The following TMBIM1 variants were observed in gnomAD, a reference collection of about 807,000 sequenced individuals.
The protein encoded by TMBIM1 is transmembrane BAX inhibitor motif containing 1.
In TMBIM1, 34 loss-of-function variants were observed where a neutral mutation model predicts 45.1. The observed-to-expected ratio is 0.75, with a 90% CI of 0.57 to 1.00. The LOEUF (loss-of-function observed/expected upper bound fraction) is 1.00, where lower values mean the gene tolerates loss of function less well. TMBIM1 is among the 50% of genes least tolerant of loss of function. The pLI, the probability that TMBIM1 is intolerant of heterozygous loss-of-function variation, is 0.00. For synonymous variants in TMBIM1, 157 were observed against 153.5 expected (o/e 1.02, Z -0.17); for missense variants, 374 against 402.4 (o/e 0.93, Z 0.60).
Position 218,278,559 on chromosome 2 carries a change from G to C in TMBIM1, c.429C>G (p.Val143=), listed in dbSNP as rs1691502679. Residue 143 remains valine (V), a synonymous_variant, in exon 6 of 12, where the codon GTC becomes GTG. Coordinates refer to ENST00000258412, the MANE Select transcript of TMBIM1 (RefSeq NM_022152.6). ...CAAGGATCAGGTAGGTGACAACGAA[G>C]ACAGCACTAGGGACAAAGAGATGGG... The part of the protein sequence containing the change: ...NVAVYYVSYA[V]FVVTYLILAC... The C allele has an allele frequency of 6.2e-7, 1 of 1,614,058 alleles. No homozygotes were observed. The highest frequency in any genetic ancestry group is 8.5e-7 in the Non-Finnish European group (1 of 1,180,034).
Position 218,279,538 on chromosome 2 carries a change from T to C in TMBIM1, c.304-185A>G, listed in dbSNP as rs1574636617. The C allele has an allele frequency of 9.2e-6, 5 of 541,566 alleles. No homozygotes were observed. The South Asian group carries it at 1.0e-4, about 11-fold the overall frequency. The allele number at this position is 541,566 out of a possible 1,614,324, so 33.5% of individuals were successfully genotyped here. A position where few individuals can be genotyped will look rare whatever the true frequency, so the allele number is the denominator to read the frequency against. On this transcript the variant is annotated intron_variant, in intron 3 of 11. Coordinates refer to ENST00000258412, the MANE Select transcript of TMBIM1 (RefSeq NM_022152.6). ...CACTTCTTCCTCAGCCCCGCTCCCA[T>C]GCTCCCTGCCATCTCCCCTCCTGTC...
chr2:218,287,499 G>A (rs1199252080), intron 1 of TMBIM1, among the ~76,000 whole-genome samples: 1 of 152,138 alleles, frequency 6.6e-6, no homozygotes, highest in Non-Finnish European at 1.5e-5. Context: ...CACGAGGTCA[G>A]GAGATCAAGA....
chr2:218,285,643 C>G (rs1488832313), intron 1 of TMBIM1: 1 of 152,310 alleles, frequency 6.6e-6, no homozygotes, highest in Non-Finnish European at 1.5e-5. Context: ...CCTTGGTTAC[C>G]GAGCTGGTCC....
intron 1 of TMBIM1, 87 bp from the exon 2 acceptor site, chr2:218,282,268 T>A (rs1692100506): frequency 1.3e-6 from 1 of 779,096 alleles, no homozygotes; most frequent in South Asian, 2.2e-5. Context: ...TTGTCCAGGC[T>A]GCCTCCGTGG....
At chr2:218,281,877 G>T in intron 2 of TMBIM1, 63 bp downstream of exon 2, 1 of 1,294,984 alleles carries the variant, frequency 7.7e-7, no homozygotes, top group Non-Finnish European at 1.1e-6. Context: ...AGGAGGCGGT[G>T]GCCTCATCTG....
chr2:218,277,726 G>A lies in TMBIM1; in HGVS notation c.514-56C>T, dbSNP rs558025244. ...ACTTAAAAAGGAAGGAAGGCAGGGT[G>A]CTGGGGGAGTGGCCATGGTGGCCTC... On this transcript the variant is annotated intron_variant, in intron 7 of 11. Transcript: ENST00000258412. 6.8e-6 allele frequency: 11 copies of A among 1,609,270 alleles called. No individual in the cohort carries two copies. In the East Asian group the frequency reaches 1.1e-4, roughly 16 times the overall value.
rs745668283 is a variant in TMBIM1 at position 218,275,609 on chromosome 2, C to T, written c.802G>A (p.Asp268Asn). Residue 268 changes from aspartate (D) to asparagine (N), a missense_variant, in exon 12 of 12, where the codon GAC becomes AAC. Physicochemically the swap from Asp to Asn is conservative, Grantham distance 23 (BLOSUM62 1). Transcript: ENST00000258412. The stretch of plus-strand genomic sequence containing the variant: ...CGGTTCCCCAGGACCAGCTGTGTGT[C>T]GTAAGCCAGGAACTGCAAGGATAGG... ...AICFTLFLAYDTQLVLGNRKH... is the reference protein window; with the variant it reads ...AICFTLFLAYNTQLVLGNRKH... 1.2e-6 allele frequency: 2 copies of T among 1,611,966 alleles called. No individual in the cohort carries two copies. The highest frequency in any genetic ancestry group is 1.7e-6 in the Non-Finnish European group (2 of 1,179,244).
chr2:218,287,278 T>C (rs1182608203), intron 1 of TMBIM1: 1 of 152,326 alleles, frequency 6.6e-6, no homozygotes, highest in Non-Finnish European at 1.5e-5. Flanking sequence ...AGCCCTCTTC[T>C]TCGTCATGGG....
rs13396404 is a variant in TMBIM1 at position 218,275,900 on chromosome 2, A to G, written c.789+126T>C. On this transcript the variant is annotated intron_variant, in intron 11 of 11. Transcript: ENST00000258412. Reference sequence around the variant, plus strand: ...AAAATCAATGGAATCTCTGGACAGTAGTGAGAGGAATGGCCTGCTATGGCC... The same window carrying G: ...AAAATCAATGGAATCTCTGGACAGTGGTGAGAGGAATGGCCTGCTATGGCC... The G allele has an allele frequency of 0.016, 18,785 of 1,156,760 alleles. 2,103 individuals carry two copies. In the African/African-American group the frequency reaches 0.25, roughly 16 times the overall value. The allele number at this position is 1,156,760 out of a possible 1,614,324, so 71.7% of individuals were successfully genotyped here.
In TMBIM1 at chr2:218,280,325, G is replaced by A. The variant is rs1348916362; in HGVS notation, c.203-199C>T. 5 of 539,216 alleles carry A rather than the reference G, an allele frequency of 9.3e-6. No individual in the cohort carries two copies. In the East Asian group the frequency reaches 1.6e-4, roughly 18 times the overall value. The allele number at this position is 539,216 out of a possible 1,614,324, so 33.4% of individuals were successfully genotyped here. A position where few individuals can be genotyped will look rare whatever the true frequency, so the allele number is the denominator to read the frequency against. On this transcript the variant is annotated intron_variant, in intron 2 of 11. Transcript: ENST00000258412. ...CGGCCTGTCACGAGGGGGCTTAGGT[G>A]GGAAACGTTCCTCACGTGCATCTGT...
chr2:218,277,715 G>C (rs781350966), intron 7 of TMBIM1, 45 bp from the exon 8 acceptor site: 1 of 1,613,116 alleles, frequency 6.2e-7, no homozygotes, highest in South Asian at 1.1e-5. Flanking sequence ...AAAAAGGAAG[G>C]AAGGCAGGGT....
At chr2:218,282,403 C>T (rs1345426050) in intron 1 of TMBIM1, among the ~76,000 whole-genome samples, 2 of 152,252 alleles carry the variant, frequency 1.3e-5, no homozygotes, top group South Asian at 2.1e-4. Flanking sequence ...ACAGGCCTCT[C>T]ACTGTGCAGC....
At position 218,276,017 on chromosome 2, in the gene TMBIM1, G is replaced by A. The variant is rs778277416; in HGVS notation, c.789+9C>T. ...CAGCTCCCCTTCCTAGAGTGGGGCT[G>A]GGACTTACCAGGGTGAAACAAATGG... is the stretch of plus-strand genomic sequence containing the variant. On this transcript the variant is annotated intron_variant, in intron 11 of 11. Coordinates refer to ENST00000258412, the MANE Select transcript of TMBIM1 (RefSeq NM_022152.6). The A allele has an allele frequency of 1.6e-5, 25 of 1,610,336 alleles. No individual in the cohort carries two copies. The highest frequency in any genetic ancestry group is 2.7e-5 in the African/African-American group (2 of 74,884).
chr2:218,282,064 A>G lies in TMBIM1; in HGVS notation c.78T>C (p.Tyr26=), dbSNP rs1692071110. The change falls in exon 2 of 12, where the codon TAT becomes TAC. Residue 26 remains tyrosine (Y), a synonymous_variant. Transcript: ENST00000258412. ...LYPGPPPPGG[Y]GQPSVLPGGY... The stretch of plus-strand genomic sequence containing the variant: ...CTCCTGGCAGGACAGATGGCTGCCC[A>G]TAGCCCCCAGGGGGCGGAGGGCCTG... The G allele has an allele frequency of 2.5e-6, 4 of 1,597,164 alleles. No homozygotes were observed. The highest frequency in any genetic ancestry group is 3.4e-6 in the Non-Finnish European group (4 of 1,172,814).
intron 1 of TMBIM1, among the ~76,000 whole-genome samples, chr2:218,288,124 C>T (rs1250065803): frequency 6.6e-6 from 1 of 152,146 alleles, no homozygotes; most frequent in Non-Finnish European, 1.5e-5. Context: ...TGATAACTAA[C>T]CCCAAAAAAG....
In TMBIM1 at chr2:218,274,755, T is replaced by G. The variant is rs1691035084; in HGVS notation, c.*720A>C. ...CAAGAATGGGGAGCAGATGGCCACATGTGGCCTGCTCTGTCTTATAGCGTC... is the reference window on the plus strand; with the variant it reads ...CAAGAATGGGGAGCAGATGGCCACAGGTGGCCTGCTCTGTCTTATAGCGTC... On this transcript the variant is annotated 3_prime_UTR_variant, in exon 12 of 12. Transcript: ENST00000258412. The G allele has an allele frequency of 6.4e-6, 1 of 155,040 alleles. No individual in the cohort carries two copies. The highest frequency in any genetic ancestry group is 2.4e-5 in the African/African-American group (1 of 41,540). The allele number at this position is 155,040 out of a possible 1,614,324, so 9.6% of individuals were successfully genotyped here. A position where few individuals can be genotyped will look rare whatever the true frequency, so the allele number is the denominator to read the frequency against.
At chr2:218,280,231 A>G (rs913841803) in intron 2 of TMBIM1, 105 bp from the exon 3 acceptor site, 1 of 842,024 alleles carries the variant, frequency 1.2e-6, no homozygotes, top group Non-Finnish European at 2.0e-6. Flanking sequence ...CAGCCAAAAG[A>G]CAAGTGTTAT....
In TMBIM1 at chr2:218,282,191, G is replaced by A; in HGVS notation, c.-40-10C>T. On this transcript the variant is annotated splice_polypyrimidine_tract_variant and intron_variant, in intron 1 of 11. Transcript: ENST00000258412. Reference sequence around the variant, plus strand: ...CCCCAGCTGCTGGGACCTGAAATGGGAGAGGAGAAAAGCAATCGTGAATGC... The same window carrying A: ...CCCCAGCTGCTGGGACCTGAAATGGAAGAGGAGAAAAGCAATCGTGAATGC... 1 of 1,392,442 alleles carries A rather than the reference G, an allele frequency of 7.2e-7. No individual in the cohort carries two copies. Among genetic ancestry groups the A allele is most frequent in the African/African-American group, 1.5e-5 (1 of 67,930 alleles). The allele number at this position is 1,392,442 out of a possible 1,614,324, so 86.3% of individuals were successfully genotyped here. A position where few individuals can be genotyped will look rare whatever the true frequency, so the allele number is the denominator to read the frequency against.
At chr2:218,279,900 C>T in intron 3 of TMBIM1, 126 bp downstream of exon 3, 1 of 752,880 alleles carries the variant, frequency 1.3e-6, no homozygotes, top group East Asian at 2.5e-5. Context: ...GCAGACAAGG[C>T]TAGAGAAGAC....
Sources: allele counts gnomAD v4.1 joint callset (sites outside exome capture counted in the v4.1 genomes callset), GRCh38; gene constraint gnomAD v4.1.1; transcripts MANE v1.5; gene names NCBI Gene and HGNC (gene_info 2026-07-23, HGNC 2026-07-21).